The following USP39 variants were observed in gnomAD, a reference collection of about 807,000 sequenced individuals.
USP39 encodes the protein ubiquitin specific peptidase 39.
Under a neutral mutation model 66.4 loss-of-function variants are expected in USP39, and 38 were observed. The observed-to-expected ratio is 0.57, with a 90% CI of 0.44 to 0.75. USP39 has a LOEUF of 0.75. USP39 is among the 30% of genes least tolerant of loss of function. The pLI, the probability that USP39 is intolerant of heterozygous loss-of-function variation, is 0.00. For synonymous variants in USP39, 303 were observed against 274.6 expected, an observed-to-expected ratio of 1.10 and a Z score of -1.02; for missense variants, 608 against 714.4, an observed-to-expected ratio of 0.85 and a Z score of 1.70.
chr2:85,616,456 G>A lies in USP39; in HGVS notation c.261G>A (p.Glu87=), dbSNP rs2104204817. 1 of 1,544,998 alleles carries A rather than the reference G, an allele frequency of 6.5e-7. No homozygotes were observed. Among genetic ancestry groups the A allele is most frequent in the East Asian group, 2.4e-5 (1 of 41,704 alleles). Residue 87 remains glutamate (E), a synonymous_variant, in exon 1 of 13, where the codon GAG becomes GAA. Coordinates refer to ENST00000323701, the MANE Select transcript of USP39 (RefSeq NM_006590.4). The stretch of plus-strand genomic sequence containing the variant: ...ATGAGGACTCGGAGCCTGAGCGGGA[G>A]GTGCGAGGTGCGCGGGGCCGGGCCG... ...EVDEDSEPER[E]VRAKNGRVDS...
chr2:85,642,562 T>C (rs929888011), intron 10 of USP39, among the ~76,000 whole-genome samples: 4 of 152,252 alleles, frequency 2.6e-5, no homozygotes, highest in African/African-American at 4.8e-5. Context: ...TAAAAGTTTG[T>C]CCTTCAGAAA....
In USP39 at chr2:85,618,585, A is replaced by C. The variant is rs533559100; in HGVS notation, c.269-635A>C. On this transcript the variant is annotated intron_variant, in intron 1 of 12. Coordinates refer to ENST00000323701, the MANE Select transcript of USP39 (RefSeq NM_006590.4). Reference sequence around the variant, plus strand: ...TCAAAAAAAAAAAAACAAAAAAAAAACGAAACACACAACTATATGGTACAT... The same window carrying C: ...TCAAAAAAAAAAAAACAAAAAAAAACCGAAACACACAACTATATGGTACAT... 1.8e-4 allele frequency among the ~76,000 whole-genome samples: 27 copies of C among 151,720 alleles called. 2 individuals carry two copies. The South Asian group carries it at 2.7e-3, about 15-fold the overall frequency.
Position 85,619,129 on chromosome 2 carries a change from T to G in USP39, c.269-91T>G. 3 of 1,436,420 alleles carry G rather than the reference T, an allele frequency of 2.1e-6. No homozygotes were observed. In the East Asian group the frequency reaches 7.2e-5, roughly 34 times the overall value. 89.0% of individuals were successfully genotyped at this position (1,436,420 alleles called of 1,614,324 possible). ...AACAATAGGAACTCATCTTGATTAG[T>G]TTTTCCCATTTCTGTTTCTTTTTTT... On this transcript the variant is annotated intron_variant, in intron 1 of 12. Coordinates refer to ENST00000323701, the MANE Select transcript of USP39 (RefSeq NM_006590.4).
chr2:85,623,010 A>G (rs72843879), intron 3 of USP39, among the ~76,000 whole-genome samples: 7,460 of 152,282 alleles, frequency 0.049, 221 homozygotes, highest in Middle Eastern at 0.1. Context: ...GAGTAAAAAT[A>G]AGTGCAATAG....
At chr2:85,615,457 G>C (rs915766237), upstream of USP39, among the ~76,000 whole-genome samples, 5 of 152,182 alleles carry the variant, frequency 3.3e-5, no homozygotes, top group African/African-American at 9.7e-5. Flanking sequence ...CCTTTACCGG[G>C]CATTTGCGTT....
chr2:85,612,154 G>A, upstream of USP39: 1 of 886,322 alleles, frequency 1.1e-6, no homozygotes, highest in African/African-American at 1.7e-5. Flanking sequence ...TTCGGGTCTG[G>A]TCGGGTCGGG....
chr2:85,639,435 C>T (rs59227664), intron 9 of USP39, 44 bp downstream of exon 9: 52 of 1,480,464 alleles, frequency 3.5e-5, no homozygotes, highest in Middle Eastern at 1.8e-4. Flanking sequence ...TACCCTCGCT[C>T]TCTCGACTTT....
chr2:85,611,670 C>T (rs1260771594), upstream of USP39: 7 of 1,560,174 alleles, frequency 4.5e-6, no homozygotes, highest in Non-Finnish European at 6.1e-6. Context: ...GGCCTCACCT[C>T]GGTGTCGCGG....
At chr2:85,627,088 G>A (rs1465329522) in intron 5 of USP39, among the ~76,000 whole-genome samples, 1 of 151,364 alleles carries the variant, frequency 6.6e-6, no homozygotes, top group Non-Finnish European at 1.5e-5. Context: ...AATTTTATGA[G>A]TAATAGGTGC....
intron 2 of USP39, among the ~76,000 whole-genome samples, chr2:85,620,635 A>C (rs1674389233): frequency 1.3e-5 from 2 of 152,306 alleles, no homozygotes; most frequent in South Asian, 4.1e-4. Context: ...ACCTGAAGGT[A>C]CAAAGGGCCA....
At chr2:85,640,844 G>A (rs949457289) in intron 9 of USP39, 132 bp from the exon 10 acceptor site, 6 of 608,464 alleles carry the variant, frequency 9.9e-6, no homozygotes, top group East Asian at 6.9e-5. Context: ...ATAATTTCTC[G>A]GACCAGGAGT....
In USP39 at chr2:85,639,264, C is replaced by A. The variant is rs771705876; in HGVS notation, c.1157C>A (p.Ser386Tyr). The change falls in exon 9 of 13, where the codon TCC becomes TAC. Residue 386 changes from serine to tyrosine, a missense_variant. Physicochemically the swap from Ser to Tyr is moderately radical, Grantham distance 144. Transcript: ENST00000323701. ...NDEYQETMVE[S>Y]TFMYLTLDLP... is the part of the protein sequence containing the mutation. ...GAGTACCAGGAGACAATGGTGGAGTCCACTTTTATGTACCTGACGCTGGAC... is the reference window on the plus strand; with the variant it reads ...GAGTACCAGGAGACAATGGTGGAGTACACTTTTATGTACCTGACGCTGGAC... The A allele has an allele frequency of 6.2e-6, 10 of 1,613,970 alleles. No homozygotes were observed. Among genetic ancestry groups the A allele is most frequent in the Non-Finnish European group, 8.5e-7 (1 of 1,180,008 alleles).
At chr2:85,630,385 T>A (rs1675226319) in intron 5 of USP39, among the ~76,000 whole-genome samples, 1 of 152,238 alleles carries the variant, frequency 6.6e-6, no homozygotes, top group African/African-American at 2.4e-5. Context: ...TGAATTTAAG[T>A]ATTGTCACAG....
intron 1 of USP39, among the ~76,000 whole-genome samples, chr2:85,604,385 T>C (rs1224602234): frequency 1.3e-5 from 2 of 152,108 alleles, no homozygotes; most frequent in Non-Finnish European, 2.9e-5. Context: ...AATTTTTTTA[T>C]ATTTTTAGTA....
chr2:85,625,550 G>A lies in USP39; in HGVS notation c.582G>A (p.Lys194=), dbSNP rs763267003. The A allele has an allele frequency of 9.3e-6, 15 of 1,613,778 alleles. No homozygotes were observed. Among genetic ancestry groups the A allele is most frequent in the Non-Finnish European group, 1.2e-5 (14 of 1,179,848 alleles). ...CTTTTGCTTTGCAGTATGTGTTGAA[G>A]CCCACTTTCACAAAGCAGCAAATTG... The part of the protein sequence containing the change: ...SSLEDITYVL[K]PTFTKQQIAN... The change falls in exon 5 of 13, where the codon AAG becomes AAA. Residue 194 remains lysine (K), a synonymous_variant. Coordinates refer to ENST00000323701, the MANE Select transcript of USP39 (RefSeq NM_006590.4).
At chr2:85,632,541 G>A (rs944210427) in intron 6 of USP39, among the ~76,000 whole-genome samples, 23 of 148,436 alleles carry the variant, frequency 1.5e-4, no homozygotes, top group African/African-American at 5.5e-4. Context: ...TCCGCCTCCT[G>A]GGTTCAGGTG....
chr2:85,609,512 CCAGCTCAGAGCCTCCACTACTGCTGCTTT>C (rs1673364320), upstream of USP39: 9 of 1,614,214 alleles, frequency 5.6e-6, no homozygotes, highest in Non-Finnish European at 7.6e-6. Context: ...CCAGAAGGCT[CCAGCTCAGAGCCTCCACTACTGCTGCTTT>C]CACCGGACTC....
At chr2:85,626,583 G>C (rs1674883724) in intron 5 of USP39, among the ~76,000 whole-genome samples, 1 of 152,162 alleles carries the variant, frequency 6.6e-6, no homozygotes, top group Non-Finnish European at 1.5e-5. Context: ...GCAGTATCAA[G>C]TAAGAAACAT....
chr2:85,611,125 A>T, upstream of USP39: 1 of 388,340 alleles, frequency 2.6e-6, no homozygotes, highest in Non-Finnish European at 3.7e-6. Context: ...CTGTGGTCCC[A>T]GGTACTCGGG....
Sources: allele counts gnomAD v4.1 joint callset (sites outside exome capture counted in the v4.1 genomes callset), GRCh38; gene constraint gnomAD v4.1.1; transcripts MANE v1.5; gene names NCBI Gene and HGNC (gene_info 2026-07-23, HGNC 2026-07-21).